Variants in PCDHGB6 observed in about 807,000 individuals in gnomAD.
PCDHGB6 encodes protocadherin gamma subfamily B, 6.
Under a neutral mutation model 59.1 loss-of-function variants are expected in PCDHGB6, and 51 were observed. The ratio of observed to expected loss-of-function variants is 0.86; its 90% confidence interval spans 0.69 to 1.09. The LOEUF is 1.09. PCDHGB6 is among the 50% of genes least tolerant of loss of function. The probability of loss-of-function intolerance (pLI) is 0.00; values close to 1 mark genes in which losing one functional copy is unlikely to be tolerated. For missense variants in PCDHGB6, 1,148 were observed against 1,205.1 expected, an observed-to-expected ratio of 0.95 and a Z score of 0.70; for synonymous variants, 466 against 495.1, an observed-to-expected ratio of 0.94 and a Z score of 0.78.
intron 1 of PCDHGB6, among the ~76,000 whole-genome samples, chr5:141,480,839 G>A (rs1397361640): frequency 6.6e-6 from 1 of 152,196 alleles, no homozygotes; most frequent in Non-Finnish European, 1.5e-5. Context: ...AAGATCAGGA[G>A]TTTGAGACCA....
intron 1 of PCDHGB6, chr5:141,413,694 C>G (rs2095667651): frequency 1.2e-6 from 2 of 1,613,800 alleles, no homozygotes; most frequent in East Asian, 4.5e-5. Context: ...CCCTGCAGAG[C>G]TATCAGCTCA....
rs1418195492 is a variant in PCDHGB6 at position 141,431,459 on chromosome 5, G to T, written c.2418+20839G>T. 4 of 1,613,692 alleles carry T rather than the reference G, an allele frequency of 2.5e-6. No homozygotes were observed. The highest frequency in any genetic ancestry group is 3.4e-6 in the Non-Finnish European group (4 of 1,179,994). Reference sequence around the variant, plus strand: ...CGCGCGCATCCGCGTGATGGTTCTGGATGCGAACGACAACGCACCAGCGTT... The same window carrying T: ...CGCGCGCATCCGCGTGATGGTTCTGTATGCGAACGACAACGCACCAGCGTT... On this transcript the variant is annotated intron_variant, in intron 1 of 3. Transcript: ENST00000520790. This position sits in a 1 kb window ranked among gnomAD's most constrained non-coding sequence, Gnocchi z 4.8.
In PCDHGB6 at chr5:141,511,186, G is replaced by T; in HGVS notation, c.*13G>T. On this transcript the variant is annotated 3_prime_UTR_variant, in exon 4 of 4. Transcript: ENST00000520790. ...GGAGAAGAAGTAACATGGAGGCCAG[G>T]CCAAGAGCCACAGGGCGGCCTCTCC... 6.2e-7 allele frequency: 1 copy of T among 1,613,906 alleles called. No individual in the cohort carries two copies. The highest frequency in any genetic ancestry group is 2.2e-5 in the East Asian group (1 of 44,876).
chr5:141,420,494 C>A (rs978136090), intron 1 of PCDHGB6: 1 of 499,510 alleles, frequency 2.0e-6, no homozygotes, highest in Non-Finnish European at 3.1e-6. Context: ...GGGTAATCTC[C>A]GGTGACATTT....
At chr5:141,418,248 C>G (rs372067603) in intron 1 of PCDHGB6, 1 of 1,614,000 alleles carries the variant, frequency 6.2e-7, no homozygotes, top group Admixed American at 1.7e-5. Context: ...AATGACCACG[C>G]CCCTCAATTC....
intron 1 of PCDHGB6, among the ~76,000 whole-genome samples, chr5:141,462,086 A>C (rs993185274): frequency 6.6e-6 from 1 of 151,410 alleles, no homozygotes; most frequent in Non-Finnish European, 1.5e-5. Flanking sequence ...GCCTCCCAAA[A>C]TGCTGGGATT....
intron 1 of PCDHGB6, among the ~76,000 whole-genome samples, chr5:141,450,829 A>ATTATTT (rs1554136902): frequency 7.4e-6 from 1 of 135,144 alleles, no homozygotes; most frequent in Admixed American, 7.6e-5. Context: ...TATTATTATT[A>ATTATTT]TTTTTTTTTT....
chr5:141,438,760 C>T (rs1346379482), intron 1 of PCDHGB6, among the ~76,000 whole-genome samples: 4 of 148,802 alleles, frequency 2.7e-5, no homozygotes, highest in South Asian at 2.1e-4. Context: ...CTCCTGGGTT[C>T]AAGCGATTCT....
intron 1 of PCDHGB6, chr5:141,468,330 C>CAAAAAA (rs533390277): frequency 1.3e-5 from 1 of 79,878 alleles, no homozygotes. Context: ...AACTCCATCT[C>CAAAAAA]AAAAAAAAAA....
At chr5:141,502,978 G>T (rs1004984942) in intron 2 of PCDHGB6, among the ~76,000 whole-genome samples, 1 of 150,096 alleles carries the variant, frequency 6.7e-6, no homozygotes, top group Non-Finnish European at 1.5e-5. Context: ...CAAGTAGCTG[G>T]GATTACAGGC....
At chr5:141,480,221 T>C (rs2099514536) in intron 1 of PCDHGB6, among the ~76,000 whole-genome samples, 1 of 149,748 alleles carries the variant, frequency 6.7e-6, no homozygotes, top group Admixed American at 6.7e-5. Context: ...CTGAGCGACA[T>C]AGTGAGATCC....
At chr5:141,433,397 A>C (rs189987785) in intron 1 of PCDHGB6, among the ~76,000 whole-genome samples, 2 of 150,410 alleles carry the variant, frequency 1.3e-5, no homozygotes, top group African/African-American at 4.9e-5. Context: ...CTATCTATCT[A>C]TCTATCTATT....
At position 141,408,077 on chromosome 5, in the gene PCDHGB6, G is replaced by A; in HGVS notation, c.-126G>A. 1.4e-6 allele frequency: 2 copies of A among 1,408,130 alleles called. No homozygotes were observed. The highest frequency in any genetic ancestry group is 3.0e-5 in the South Asian group (2 of 66,822). The allele number at this position is 1,408,130 out of a possible 1,614,324, so 87.2% of individuals were successfully genotyped here. A position where few individuals can be genotyped will look rare whatever the true frequency, so the allele number is the denominator to read the frequency against. On this transcript the variant is annotated 5_prime_UTR_variant, in exon 1 of 4. Transcript: ENST00000520790. ...CTCCCGGCTGCGCAGACCTTTCCCA[G>A]CACAGCGGATTGCCAGCTCCGAGAC...
In PCDHGB6 at chr5:141,485,275, G is replaced by C. The variant is rs77402299; in HGVS notation, c.2419-9532G>C. ...ACGTTTGTGGGCAGATCCGCTACCC[G>C]GTCCCAGAGGAGTCACAGGAAGGGA... On this transcript the variant is annotated intron_variant, in intron 1 of 3. Transcript: ENST00000520790. The surrounding 1 kb of genome is among the most constrained non-coding windows in gnomAD (Gnocchi z 5.7). The C allele has an allele frequency of 2.5e-6, 4 of 1,614,072 alleles. No individual in the cohort carries two copies. Among genetic ancestry groups the C allele is most frequent in the Admixed American group, 1.7e-5 (1 of 60,024 alleles).
chr5:141,450,556 G>A lies in PCDHGB6; in HGVS notation c.2418+39936G>A, dbSNP rs534127421. Among the ~76,000 whole-genome samples, 5 of 151,822 alleles carry A rather than the reference G, an allele frequency of 3.3e-5. 1 individual carries two copies. Among genetic ancestry groups the A allele is most frequent in the South Asian group, 2.1e-4 (1 of 4,804 alleles). On this transcript the variant is annotated intron_variant, in intron 1 of 3. Transcript: ENST00000520790. ...GGCTGGAATGCAGTGGCGCAGTCTCGGCTCACTGCAACTTCTGCCTCCCAG... is the reference window on the plus strand; with the variant it reads ...GGCTGGAATGCAGTGGCGCAGTCTCAGCTCACTGCAACTTCTGCCTCCCAG...
rs762706827 is a variant in PCDHGB6, at chr5:141,409,312, AAC to A, written c.1113_1114del (p.Arg372GlyfsTer13). 39 of 1,613,880 alleles carry A rather than the reference AAC, an allele frequency of 2.4e-5. No individual in the cohort carries two copies. Among genetic ancestry groups the A allele is most frequent in the Admixed American group, 1.7e-4 (10 of 60,000 alleles). On this transcript the variant is annotated frameshift_variant, in exon 1 of 4. Coordinates refer to ENST00000520790, the MANE Select transcript of PCDHGB6 (RefSeq NM_018926.3). LOFTEE classifies it high-confidence loss of function. The part of the protein sequence containing the change: ...PPGMVVALFK[T>X]RDLDFGGNGE... ...CAGGAATGGTTGTTGCCCTCTTCAA[AAC>A]ACGGGATCTGGATTTCGGAGGAAAT... is the stretch of plus-strand genomic sequence containing the variant.
rs1224625072 is a variant in PCDHGB6, at chr5:141,490,972, C to T, written c.2419-3835C>T. ...AGACTGGGAACACTCAGCCCCCCAG[C>T]GTCTCCCTCGCTCTGCTCCTCCTGG... On this transcript the variant is annotated intron_variant, in intron 1 of 3. Transcript: ENST00000520790. This position sits in a 1 kb window ranked among gnomAD's most constrained non-coding sequence, Gnocchi z 5.4. The T allele has an allele frequency of 1.2e-5, 20 of 1,613,912 alleles. No individual in the cohort carries two copies. Among genetic ancestry groups the T allele is most frequent in the East Asian group, 4.5e-5 (2 of 44,882 alleles).
In PCDHGB6 at chr5:141,511,477, C is replaced by A; in HGVS notation, c.*304C>A. 2.1e-6 allele frequency: 1 copy of A among 482,262 alleles called. No homozygotes were observed. The allele number at this position is 482,262 out of a possible 1,614,324, so 29.9% of individuals were successfully genotyped here. A position where few individuals can be genotyped will look rare whatever the true frequency, so the allele number is the denominator to read the frequency against. On this transcript the variant is annotated 3_prime_UTR_variant, in exon 4 of 4. Coordinates refer to ENST00000520790, the MANE Select transcript of PCDHGB6 (RefSeq NM_018926.3). ...TTTGCCACACCCCGTTTAGTTACAG[C>A]TGAACTCCTCCATCTTCCAAATCAA...
chr5:141,467,781 C>T (rs2099151581), intron 1 of PCDHGB6, among the ~76,000 whole-genome samples: 1 of 152,228 alleles, frequency 6.6e-6, no homozygotes, highest in South Asian at 2.1e-4. Context: ...ACCTCAGCCT[C>T]TCAAGTAGCT....
Sources: gnomAD v4.1 joint callset for allele counts (sites outside exome capture counted in the v4.1 genomes callset) on GRCh38, gnomAD v4.1.1 for gene constraint, Gnocchi (gnomAD v3.1) non-coding constraint, MANE v1.5 for transcripts, NCBI Gene and HGNC (gene_info 2026-07-23, HGNC 2026-07-21) for gene names.